BAALC: variants seen among roughly 807,000 people sequenced by gnomAD.
BAALC encodes the protein brain and acute leukemia cytoplasmic protein.
BAALC carries 9 observed loss-of-function variants against 15.5 expected under a neutral mutation model. The observed-to-expected ratio is 0.58, with a 90% CI of 0.35 to 1.02. BAALC has a LOEUF of 1.02. BAALC is among the 50% of genes least tolerant of loss of function. BAALC has a pLI of 0.02. For missense variants in BAALC, 201 were observed against 192.4 expected, an observed-to-expected ratio of 1.04 and a Z score of -0.27; for synonymous variants, 80 against 74.6, an observed-to-expected ratio of 1.07 and a Z score of -0.37.
intron 1 of BAALC, chr8:103,191,223 G>A (rs1271346196): frequency 2.0e-5 from 3 of 151,884 alleles, no homozygotes; most frequent in African/African-American, 4.8e-5. Context: ...GAAAACAGAC[G>A]TGGTTTCTGA....
intron 1 of BAALC, among the ~76,000 whole-genome samples, chr8:103,176,247 A>T (rs1284905240): frequency 6.6e-6 from 1 of 152,236 alleles, no homozygotes; most frequent in African/African-American, 2.4e-5. Context: ...GCACACACAC[A>T]CATGCACACA....
At chr8:103,160,392 G>A (rs1290296216) in intron 1 of BAALC, among the ~76,000 whole-genome samples, 1 of 152,122 alleles carries the variant, frequency 6.6e-6, no homozygotes, top group Non-Finnish European at 1.5e-5. Context: ...CTATGGAGAG[G>A]ATGTTTCCTG....
chr8:103,155,807 G>A (rs544808657), intron 1 of BAALC, among the ~76,000 whole-genome samples: 1 of 152,298 alleles, frequency 6.6e-6, no homozygotes, highest in Admixed American at 6.5e-5. Flanking sequence ...GTGTCTCCAT[G>A]TTCTCTAGGT....
chr8:103,150,469 G>A (rs1320545263), intron 1 of BAALC, among the ~76,000 whole-genome samples: 1 of 152,122 alleles, frequency 6.6e-6, no homozygotes, highest in Non-Finnish European at 1.5e-5. Flanking sequence ...GCTATGGCTG[G>A]TACCACTCCA....
chr8:103,179,330 G>A (rs765909956), intron 1 of BAALC, among the ~76,000 whole-genome samples: 5 of 152,120 alleles, frequency 3.3e-5, no homozygotes, highest in Non-Finnish European at 5.9e-5. Context: ...AGTCATGCTG[G>A]GTAGGAGCCC....
intron 2 of BAALC, among the ~76,000 whole-genome samples, chr8:103,220,839 A>G (rs1231830411): frequency 6.6e-6 from 1 of 152,210 alleles, no homozygotes; most frequent in Non-Finnish European, 1.5e-5. Context: ...ATAATTAAAA[A>G]TACTACTTAT....
chr8:103,169,303 T>G (rs1360127250), intron 1 of BAALC, among the ~76,000 whole-genome samples: 1 of 152,186 alleles, frequency 6.6e-6, no homozygotes, highest in Non-Finnish European at 1.5e-5. Flanking sequence ...TCATTCTTAG[T>G]TTTTTAGACG....
intron 1 of BAALC, among the ~76,000 whole-genome samples, chr8:103,176,235 A>C (rs1427247669): frequency 3.3e-5 from 5 of 152,206 alleles, no homozygotes; most frequent in Non-Finnish European, 2.9e-5. Flanking sequence ...TCACGCATAC[A>C]TGCACACACA....
At position 103,215,542 on chromosome 8, in the gene BAALC, A is replaced by C. The variant is rs958343172; in HGVS notation, c.327+2457A>C. Among the ~76,000 whole-genome samples, 6 of 152,320 alleles carry C rather than the reference A, an allele frequency of 3.9e-5. No individual in the cohort carries two copies. In the Middle Eastern group the frequency reaches 0.01, roughly 259 times the overall value. ...GGTCAGCTGTAACTTAAAAAGGCTC[A>C]GTCTGACTTTTCCAGGGCTGGCTCA... On this transcript the variant is annotated intron_variant, in intron 2 of 2. Transcript: ENST00000309982.
At chr8:103,150,489 A>G (rs921675741) in intron 1 of BAALC, among the ~76,000 whole-genome samples, 1 of 152,162 alleles carries the variant, frequency 6.6e-6, no homozygotes, top group African/African-American at 2.4e-5. Flanking sequence ...ATAGGCTTCC[A>G]GCTCTAGGTC....
At chr8:103,170,301 G>C (rs977999090) in intron 1 of BAALC, among the ~76,000 whole-genome samples, 1 of 151,198 alleles carries the variant, frequency 6.6e-6, no homozygotes, top group Non-Finnish European at 1.5e-5. Context: ...TGTTGGTTTT[G>C]TATTGGATGG....
chr8:103,190,105 T>C (rs1811932172), intron 1 of BAALC, among the ~76,000 whole-genome samples: 1 of 152,166 alleles, frequency 6.6e-6, no homozygotes, highest in Non-Finnish European at 1.5e-5. Flanking sequence ...CCACCAGTTT[T>C]TAAGTCCAGA....
At chr8:103,178,294 T>A (rs1465834068) in intron 1 of BAALC, among the ~76,000 whole-genome samples, 1 of 152,232 alleles carries the variant, frequency 6.6e-6, no homozygotes, top group East Asian at 1.9e-4. Flanking sequence ...CTTGTGGTGA[T>A]GGAGCTGTTC....
chr8:103,210,957 A>T (rs1420158517), intron 1 of BAALC, among the ~76,000 whole-genome samples: 1 of 152,168 alleles, frequency 6.6e-6, no homozygotes, highest in Non-Finnish European at 1.5e-5. Context: ...ATTGTTTCAT[A>T]GTCTTCTTAT....
In BAALC at chr8:103,171,271, GAAAA is replaced by G. The variant is rs1463965428; in HGVS notation, c.160+30216_160+30219del. ...GAAGGAAGGAAGAAAGGAAAGAAGA[GAAAA>G]AGAAAGAAAGAGAGAAGGAAGGGGG... is the stretch of plus-strand genomic sequence containing the variant. On this transcript the variant is annotated intron_variant, in intron 1 of 2. Coordinates refer to ENST00000309982, the MANE Select transcript of BAALC (RefSeq NM_024812.3). 2.5e-5 allele frequency among the ~76,000 whole-genome samples: 3 copies of G among 119,972 alleles called. No homozygotes were observed. The East Asian group carries it at 6.8e-4, about 27-fold the overall frequency. The allele number at this position is 119,972 out of a possible 152,430, so 78.7% of individuals were successfully genotyped here.
rs139539113 is a variant in BAALC at position 103,162,535 on chromosome 8, A to G, written c.160+21478A>G. 9.8e-4 allele frequency among the ~76,000 whole-genome samples: 149 copies of G among 152,304 alleles called. 3 individuals are homozygous for G. In the East Asian group the frequency reaches 0.025, roughly 25 times the overall value. On this transcript the variant is annotated intron_variant, in intron 1 of 2. Transcript: ENST00000309982. ...CACAGCATGGTGGCCCAGGGCAGTC[A>G]GCATGTTTGCATAACTGCTCAGAAC...
intron 1 of BAALC, among the ~76,000 whole-genome samples, chr8:103,175,485 G>A (rs1811588219): frequency 6.6e-6 from 1 of 152,170 alleles, no homozygotes; most frequent in Admixed American, 6.5e-5. Context: ...ATGGGGAAAG[G>A]AATTCATGTG....
At chr8:103,184,205 C>T (rs1165138552) in intron 1 of BAALC, among the ~76,000 whole-genome samples, 1 of 152,204 alleles carries the variant, frequency 6.6e-6, no homozygotes, top group African/African-American at 2.4e-5. Flanking sequence ...ACATTGGGCC[C>T]ACCAGGATAT....
chr8:103,205,055 A>G (rs544551181), intron 1 of BAALC, among the ~76,000 whole-genome samples: 1 of 152,238 alleles, frequency 6.6e-6, no homozygotes, highest in South Asian at 2.1e-4. Flanking sequence ...CCAATGTCTT[A>G]TACTTTGGTT....
Sources: allele counts gnomAD v4.1 joint callset (sites outside exome capture counted in the v4.1 genomes callset), GRCh38; gene constraint gnomAD v4.1.1; transcripts MANE v1.5; gene names NCBI Gene and HGNC (gene_info 2026-07-23, HGNC 2026-07-21).